Variants in GAL3ST2 observed in about 807,000 individuals in gnomAD.
GAL3ST2 encodes the protein galactose-3-O-sulfotransferase 2.
Under a neutral mutation model 12.9 loss-of-function variants are expected in GAL3ST2, and 16 were observed. The observed-to-expected ratio is 1.24, with a 90% CI of 0.84 to 1.88. The LOEUF is 1.88. Among genes scored for constraint, GAL3ST2 ranks in the 40% most tolerant of loss-of-function variants. GAL3ST2 has a pLI of 0.00. For missense variants in GAL3ST2, 639 were observed against 571.8 expected, an observed-to-expected ratio of 1.12 and a Z score of -1.20; for synonymous variants, 302 against 273.9, an observed-to-expected ratio of 1.10 and a Z score of -1.01.
intron 1 of GAL3ST2, among the ~76,000 whole-genome samples, chr2:241,797,336 AGAGCC>A (rs1699785123): frequency 6.6e-6 from 1 of 152,180 alleles, no homozygotes; most frequent in Non-Finnish European, 1.5e-5. Flanking sequence ...CAGATCTGGG[AGAGCC>A]GATGTTCGTT....
At position 241,801,453 on chromosome 2, in the gene GAL3ST2, T is replaced by G; in HGVS notation, c.120-328T>G. On this transcript the variant is annotated intron_variant, in intron 2 of 3. Coordinates refer to ENST00000192314, the MANE Select transcript of GAL3ST2 (RefSeq NM_022134.3). This position sits in a 1 kb window ranked among gnomAD's most constrained non-coding sequence, Gnocchi z 4.4. ...CTCCCATCCCATCACTGCTGGGAAC[T>G]CAGTTTTAAGGTGGGTCTGGGGTCC... 4.7e-6 allele frequency: 2 copies of G among 423,808 alleles called. No individual in the cohort carries two copies. The highest frequency in any genetic ancestry group is 4.3e-6 in the Non-Finnish European group (1 of 234,408). 26.3% of individuals were successfully genotyped at this position (423,808 alleles called of 1,614,324 possible). A position where few individuals can be genotyped will look rare whatever the true frequency, so the allele number is the denominator to read the frequency against.
Position 241,800,338 on chromosome 2 carries a change from C to A in GAL3ST2, c.119+1184C>A, listed in dbSNP as rs533941329. Among the ~76,000 whole-genome samples, 586 of 151,468 alleles carry A rather than the reference C, an allele frequency of 3.9e-3. 6 individuals are homozygous for A. The highest frequency in any genetic ancestry group is 0.014 in the African/African-American group (566 of 41,278). On this transcript the variant is annotated intron_variant, in intron 2 of 3. Coordinates refer to ENST00000192314, the MANE Select transcript of GAL3ST2 (RefSeq NM_022134.3). This position sits in a 1 kb window ranked among gnomAD's most constrained non-coding sequence, Gnocchi z 5.2. Reference sequence around the variant, plus strand: ...CCCAGGCTGGGAGCACAGCCGCCGACCCAGGCTGGGAGCGGGCACTTCGAG... The same window carrying A: ...CCCAGGCTGGGAGCACAGCCGCCGAACCAGGCTGGGAGCGGGCACTTCGAG...
chr2:241,782,194 G>T (rs1165763822), intron 1 of GAL3ST2, among the ~76,000 whole-genome samples: 5 of 152,170 alleles, frequency 3.3e-5, no homozygotes, highest in African/African-American at 1.2e-4. Flanking sequence ...TGACGTTAAT[G>T]ATTAATTTAT....
chr2:241,785,215 T>C (rs548271692), intron 1 of GAL3ST2, among the ~76,000 whole-genome samples: 38 of 152,306 alleles, frequency 2.5e-4, no homozygotes, highest in African/African-American at 8.9e-4. Flanking sequence ...ATAACTATTT[T>C]AGTCAATAAA....
At chr2:241,781,156 A>C (rs984208463) in intron 1 of GAL3ST2, among the ~76,000 whole-genome samples, 3 of 152,236 alleles carry the variant, frequency 2.0e-5, no homozygotes, top group African/African-American at 7.2e-5. Context: ...AATTTTGTTC[A>C]CAGGAGTATA....
chr2:241,801,979 G>C lies in GAL3ST2; in HGVS notation c.318G>C (p.Val106=). 1 of 1,612,918 alleles carries C rather than the reference G, an allele frequency of 6.2e-7. No individual in the cohort carries two copies. The part of the protein sequence containing the change: ...WLFLARYVEG[V]GSQQRFNIMC... ...TCCTGGCGCGCTACGTGGAAGGCGT[G>C]GGGTCGCAGCAGCGCTTCAACATCA... The change falls in exon 3 of 4, where the codon GTG becomes GTC. Residue 106 remains valine, a synonymous_variant. Transcript: ENST00000192314. The surrounding 1 kb of genome is among the most constrained non-coding windows in gnomAD (Gnocchi z 4.4).
chr2:241,788,940 A>C (rs545661123), intron 1 of GAL3ST2, among the ~76,000 whole-genome samples: 58 of 152,352 alleles, frequency 3.8e-4, no homozygotes, highest in African/African-American at 1.4e-3. Context: ...AGAAAAAAAA[A>C]AGTGGGAAAC....
chr2:241,786,279 G>GAAAAAACAACAAAAACAGAGAC (rs1553615806), intron 1 of GAL3ST2, among the ~76,000 whole-genome samples: 20 of 151,684 alleles, frequency 1.3e-4, no homozygotes, highest in Non-Finnish European at 2.6e-4. Flanking sequence ...GAAAAAGACT[G>GAAAAAACAACAAAAACAGAGAC]AAAAAACAAC....
At chr2:241,781,230 A>G (rs560584706) in intron 1 of GAL3ST2, among the ~76,000 whole-genome samples, 1 of 152,366 alleles carries the variant, frequency 6.6e-6, no homozygotes, top group South Asian at 2.1e-4. Flanking sequence ...AAACAAAACA[A>G]AGGATCAGCA....
At chr2:241,786,077 TA>T (rs1415235647) in intron 1 of GAL3ST2, among the ~76,000 whole-genome samples, 1 of 152,010 alleles carries the variant, frequency 6.6e-6, no homozygotes, top group Non-Finnish European at 1.5e-5. Context: ...GTAGTCAAAA[TA>T]AAAAATATTT....
intron 1 of GAL3ST2, among the ~76,000 whole-genome samples, chr2:241,792,059 G>A (rs1463073026): frequency 6.7e-6 from 1 of 148,492 alleles, no homozygotes; most frequent in Non-Finnish European, 1.5e-5. Flanking sequence ...TGTCGCCCAG[G>A]CTGGAGTGCA....
intron 1 of GAL3ST2, among the ~76,000 whole-genome samples, chr2:241,797,938 G>C (rs1003763636): frequency 2.6e-5 from 4 of 152,184 alleles, no homozygotes; most frequent in Non-Finnish European, 5.9e-5. Flanking sequence ...CCGAGTGCAG[G>C]TGTGGTGTCT....
chr2:241,787,371 A>G lies in GAL3ST2; in HGVS notation c.29+10387A>G, dbSNP rs573293355. Among the ~76,000 whole-genome samples the G allele has an allele frequency of 2.4e-4, 36 of 151,884 alleles. No homozygotes were observed. In the South Asian group the frequency reaches 6.7e-3, roughly 28 times the overall value. On this transcript the variant is annotated intron_variant, in intron 1 of 3. Coordinates refer to ENST00000192314, the MANE Select transcript of GAL3ST2 (RefSeq NM_022134.3). ...TTCACATTTTGGTAACCACAGAGGG[A>G]TTCTGACCTTTGACAAATCTATTGG...
At chr2:241,803,284 G>T in intron 3 of GAL3ST2, 61 bp from the exon 4 acceptor site, 1 of 1,414,864 alleles carries the variant, frequency 7.1e-7, no homozygotes, top group South Asian at 1.4e-5. Flanking sequence ...CCTCCTCCCC[G>T]CGGGTGGGCC....
At chr2:241,785,170 C>G (rs1406731363) in intron 1 of GAL3ST2, among the ~76,000 whole-genome samples, 1 of 152,132 alleles carries the variant, frequency 6.6e-6, no homozygotes, top group Non-Finnish European at 1.5e-5. Context: ...CTAAACTACA[C>G]TCTTCTGTAA....
At chr2:241,779,396 G>A (rs1699537094) in intron 1 of GAL3ST2, among the ~76,000 whole-genome samples, 1 of 151,194 alleles carries the variant, frequency 6.6e-6, no homozygotes, top group Admixed American at 6.6e-5. Context: ...ACCTCGCCCA[G>A]CTAATTTTTT....
At position 241,800,347 on chromosome 2, in the gene GAL3ST2, G is replaced by T. The variant is rs73106178; in HGVS notation, c.119+1193G>T. Among the ~76,000 whole-genome samples the T allele has an allele frequency of 0.27, 41,306 of 150,406 alleles. 7,330 individuals are homozygous for T. The highest frequency in any genetic ancestry group is 0.5 in the African/African-American group (20,321 of 40,580). On this transcript the variant is annotated intron_variant, in intron 2 of 3. Coordinates refer to ENST00000192314, the MANE Select transcript of GAL3ST2 (RefSeq NM_022134.3). The surrounding 1 kb of genome is among the most constrained non-coding windows in gnomAD (Gnocchi z 5.2). ...GGAGCACAGCCGCCGACCCAGGCTGGGAGCGGGCACTTCGAGGGAGGGGGT... is the reference window on the plus strand; with the variant it reads ...GGAGCACAGCCGCCGACCCAGGCTGTGAGCGGGCACTTCGAGGGAGGGGGT...
rs978489830 is a variant in GAL3ST2 at position 241,802,949 on chromosome 2, C to A, written c.376-396C>A. Among the ~76,000 whole-genome samples, 1 of 151,380 alleles carries A rather than the reference C, an allele frequency of 6.6e-6. No homozygotes were observed. The highest frequency in any genetic ancestry group is 2.4e-5 in the African/African-American group (1 of 41,172). ...GGGCAGCTGGTGGAGTGCTGAAGCC[C>A]CCTGTGCCAGGGGCCCGTGGAGGGC... On this transcript the variant is annotated intron_variant, in intron 3 of 3. Coordinates refer to ENST00000192314, the MANE Select transcript of GAL3ST2 (RefSeq NM_022134.3). The surrounding 1 kb of genome is among the most constrained non-coding windows in gnomAD (Gnocchi z 4.8).
At chr2:241,785,489 GT>G (rs1699617408) in intron 1 of GAL3ST2, among the ~76,000 whole-genome samples, 2 of 147,930 alleles carry the variant, frequency 1.4e-5, no homozygotes, top group African/African-American at 5.0e-5. Context: ...GGAGGCAGAG[GT>G]TTATTGAGCT....
Sources: allele counts gnomAD v4.1 joint callset (sites outside exome capture counted in the v4.1 genomes callset), GRCh38; gene constraint gnomAD v4.1.1; non-coding constraint Gnocchi (gnomAD v3.1); transcripts MANE v1.5; gene names NCBI Gene and HGNC (gene_info 2026-07-23, HGNC 2026-07-21).